CPT1C: variants seen among roughly 807,000 people sequenced by gnomAD.
CPT1C encodes palmitoyl thioesterase CPT1C.
CPT1C carries 61 observed loss-of-function variants against 97.3 expected under a neutral mutation model. That is an observed-to-expected ratio of 0.63 (90% CI 0.51 to 0.78). The LOEUF (loss-of-function observed/expected upper bound fraction) is 0.78. Among genes scored for constraint, CPT1C ranks in the 30% least tolerant of loss-of-function variants. CPT1C has a pLI of 0.00. For synonymous variants in CPT1C, 469 were observed against 447.2 expected, an observed-to-expected ratio of 1.05 and a Z score of -0.61; for missense variants, 975 against 1,065.5, an observed-to-expected ratio of 0.92 and a Z score of 1.18.
At chr19:49,694,485 C>T (rs557963844) in intron 3 of CPT1C, among the ~76,000 whole-genome samples, 1 of 151,708 alleles carries the variant, frequency 6.6e-6, no homozygotes, top group African/African-American at 2.4e-5. Context: ...AAAAATTAGC[C>T]GGGTGTGGTG....
rs766468069 is a variant in CPT1C at position 49,712,965 on chromosome 19, T to C, written c.2134-7T>C. 6 of 1,613,326 alleles carry C rather than the reference T, an allele frequency of 3.7e-6. No individual in the cohort carries two copies. The highest frequency in any genetic ancestry group is 2.2e-5 in the East Asian group (1 of 44,852). ...TATTTTCTTCCCTTCACTCTTTCCG[T>C]CTCCAGGCTGATGACCATGGTTATG... is the stretch of plus-strand genomic sequence containing the variant. On this transcript the variant is annotated splice_polypyrimidine_tract_variant and splice_region_variant and intron_variant, in intron 18 of 19. Coordinates refer to ENST00000598293, the MANE Select transcript of CPT1C (RefSeq NM_001199753.2).
intron 10 of CPT1C, 82 bp from the exon 11 acceptor site, chr19:49,705,827 C>G (rs1347984400): frequency 7.8e-7 from 1 of 1,288,002 alleles, no homozygotes; most frequent in African/African-American, 1.5e-5. Context: ...ACTGACGACA[C>G]CTAAGAAGTA....
intron 3 of CPT1C, among the ~76,000 whole-genome samples, chr19:49,693,878 G>A (rs1396209891): frequency 6.6e-6 from 1 of 152,078 alleles, no homozygotes; most frequent in Non-Finnish European, 1.5e-5. Flanking sequence ...CTAACACGGT[G>A]AAACCCCGTT....
rs1252263462 is a variant in CPT1C at position 49,701,227 on chromosome 19, C to T, written c.454-90C>T. The T allele has an allele frequency of 2.8e-6, 3 of 1,063,150 alleles. No individual in the cohort carries two copies. In the East Asian group the frequency reaches 7.6e-5, roughly 27 times the overall value. The allele number at this position is 1,063,150 out of a possible 1,614,324, so 65.9% of individuals were successfully genotyped here. On this transcript the variant is annotated intron_variant, in intron 5 of 19. Transcript: ENST00000598293. Reference sequence around the variant, plus strand: ...TGCTCTTAAGTCTCTGTGTCCTTCTCTTTGGGTTTCTGTCCCACTGTCGAC... The same window carrying T: ...TGCTCTTAAGTCTCTGTGTCCTTCTTTTTGGGTTTCTGTCCCACTGTCGAC...
chr19:49,701,071 C>T (rs2083009113), intron 5 of CPT1C, among the ~76,000 whole-genome samples: 1 of 93,862 alleles, frequency 1.1e-5, no homozygotes, highest in South Asian at 3.9e-4. Flanking sequence ...CTCCGTCCCC[C>T]CCTCTGGGTC....
chr19:49,710,794 G>T lies in CPT1C; in HGVS notation c.1803G>T (p.Thr601=). 1 of 1,614,056 alleles carries T rather than the reference G, an allele frequency of 6.2e-7. No individual in the cohort carries two copies. Among genetic ancestry groups the T allele is most frequent in the Non-Finnish European group, 8.5e-7 (1 of 1,179,956 alleles). Residue 601 remains threonine (T), a synonymous_variant, in exon 16 of 20, where the codon ACG becomes ACT. Coordinates refer to ENST00000598293, the MANE Select transcript of CPT1C (RefSeq NM_001199753.2). The part of the protein sequence containing the change: ...TRLFLEGRTE[T]VRSCTREACN... ...TATTCCTGGAAGGCCGGACGGAGAC[G>T]GTGCGGTCTTGCACGAGGGAGGCCT...
rs2083666440 is a variant in CPT1C, at chr19:49,708,830, T to C, written c.1557T>C (p.Leu519=). The part of the protein sequence containing the change: ...LPQPQRLQWD[L]PDQIHSSISL... ...AGCCCCAGCGGCTGCAATGGGACCT[T>C]CCAGACCAGGTGAGGCTGGGTTTCT... The change falls in exon 14 of 20, where the codon CTT becomes CTC. Residue 519 remains leucine, a synonymous_variant. Transcript: ENST00000598293. The C allele has an allele frequency of 1.7e-5, 27 of 1,610,866 alleles. No homozygotes were observed. Among genetic ancestry groups the C allele is most frequent in the Non-Finnish European group, 2.3e-5 (27 of 1,177,714 alleles).
At chr19:49,702,128 A>ATTATAAATAAATATATATTTATTTATAAT (rs1568521945) in intron 7 of CPT1C, among the ~76,000 whole-genome samples, 19 of 89,374 alleles carry the variant, frequency 2.1e-4, no homozygotes, top group Non-Finnish European at 3.8e-4. Flanking sequence ...TTATTTATAA[A>ATTATAAATAAATATATATTTATTTATAAT]TTATAAATAA....
chr19:49,702,204 T>TTA lies in CPT1C; in HGVS notation c.693+580_693+581dup, dbSNP rs1267591727. Among the ~76,000 whole-genome samples the TTA allele has an allele frequency of 2.4e-3, 331 of 137,500 alleles. 5 individuals carry two copies. The highest frequency in any genetic ancestry group is 8.5e-3 in the African/African-American group (311 of 36,622). 90.2% of individuals were successfully genotyped at this position (137,500 alleles called of 152,430 possible). On this transcript the variant is annotated intron_variant, in intron 7 of 19. Transcript: ENST00000598293. ...TTTATATATAGGCTTATATATTTAT[T>TTA]TATATATATATGCTCATAACATATA... is the stretch of plus-strand genomic sequence containing the variant.
intron 7 of CPT1C, among the ~76,000 whole-genome samples, chr19:49,702,121 T>TAAATTATAAATATATATTTA: frequency 9.5e-6 from 1 of 105,532 alleles, no homozygotes; most frequent in South Asian, 2.3e-4. Context: ...TATTTATTTA[T>TAAATTATAAATATATATTTA]TTATAAATTA....
intron 9 of CPT1C, 49 bp downstream of exon 9, chr19:49,705,163 T>A (rs2083430719): frequency 1.2e-6 from 2 of 1,612,352 alleles, no homozygotes; most frequent in Non-Finnish European, 1.7e-6. Flanking sequence ...CCTGTGGCCT[T>A]TGGGCCACGT....
chr19:49,702,778 T>G (rs1246452661), intron 7 of CPT1C, among the ~76,000 whole-genome samples: 1 of 151,434 alleles, frequency 6.6e-6, no homozygotes, highest in Admixed American at 6.6e-5. Flanking sequence ...AGGGGCAGGG[T>G]CAGCTTTGGT....
rs2082368337 is a variant in CPT1C at position 49,691,857 on chromosome 19, G to A, written c.-47G>A. 2.2e-5 allele frequency: 4 copies of A among 180,244 alleles called. No homozygotes were observed. In the South Asian group the frequency reaches 5.3e-4, roughly 24 times the overall value. The allele number at this position is 180,244 out of a possible 1,614,324, so 11.2% of individuals were successfully genotyped here. ...TGACGTCCTTCCCTCAAAACCTCCG[G>A]GTCTACAAACCAGGACCCTCAAGAC... On this transcript the variant is annotated 5_prime_UTR_variant, in exon 2 of 20. Coordinates refer to ENST00000598293, the MANE Select transcript of CPT1C (RefSeq NM_001199753.2).
In CPT1C at chr19:49,710,424, A is replaced by AC; in HGVS notation, c.1672dup (p.Arg558ProfsTer30). On this transcript the variant is annotated frameshift_variant, in exon 15 of 20. Coordinates refer to ENST00000598293, the MANE Select transcript of CPT1C (RefSeq NM_001199753.2). LOFTEE classifies it high-confidence loss of function. ...CCCTATTTGGCAAGAGCTTCATCCG[A>AC]CGCTGCCACCTCTCTTCAGACAGCT... The AC allele has an allele frequency of 1.9e-6, 3 of 1,614,030 alleles. No homozygotes were observed. Among genetic ancestry groups the AC allele is most frequent in the Non-Finnish European group, 2.5e-6 (3 of 1,179,998 alleles).
Position 49,706,203 on chromosome 19 carries a change from G to T in CPT1C, c.1161-28G>T. 6.5e-7 allele frequency: 1 copy of T among 1,539,996 alleles called. No individual in the cohort carries two copies. On this transcript the variant is annotated intron_variant, in intron 11 of 19. Transcript: ENST00000598293. The surrounding 1 kb of genome is among the most constrained non-coding windows in gnomAD (Gnocchi z 4.8). ...GGGCCAGGTGGCGGCTGGGCAGGAT[G>T]GACTCAGGCACATCCCGGGCCCTCC...
In CPT1C at chr19:49,712,722, G is replaced by C; in HGVS notation, c.2020-14G>C. The C allele has an allele frequency of 6.3e-7, 1 of 1,592,370 alleles. No homozygotes were observed. Among genetic ancestry groups the C allele is most frequent in the Non-Finnish European group, 8.6e-7 (1 of 1,160,266 alleles). On this transcript the variant is annotated splice_polypyrimidine_tract_variant and intron_variant, in intron 17 of 19. Transcript: ENST00000598293. ...GATCTCTGTCCTGCACATGTGATGG[G>C]CTCCTGTCCTCAGGTCCATTCGGAG... is the stretch of plus-strand genomic sequence containing the variant.
chr19:49,712,104 A>C (rs1200661762), intron 17 of CPT1C, 143 bp downstream of exon 17: 1 of 1,026,042 alleles, frequency 9.7e-7, no homozygotes, highest in African/African-American at 1.6e-5. Context: ...GCAGTTTGGG[A>C]AGCCGAGGCA....
chr19:49,710,194 G>A lies in CPT1C; in HGVS notation c.1567-126G>A, dbSNP rs569641269. The stretch of plus-strand genomic sequence containing the variant: ...ATCCTTCAATTCTCTTCTCTTCTTT[G>A]TCCCCATTTCCATATTCTGCCGCAA... On this transcript the variant is annotated intron_variant, in intron 14 of 19. Coordinates refer to ENST00000598293, the MANE Select transcript of CPT1C (RefSeq NM_001199753.2). 13 of 894,500 alleles carry A rather than the reference G, an allele frequency of 1.5e-5. No homozygotes were observed. In the Admixed American group the frequency reaches 2.4e-4, roughly 17 times the overall value. 55.4% of individuals were successfully genotyped at this position (894,500 alleles called of 1,614,324 possible). A position where few individuals can be genotyped will look rare whatever the true frequency, so the allele number is the denominator to read the frequency against.
intron 5 of CPT1C, 81 bp from the exon 6 acceptor site, chr19:49,701,236 T>G: frequency 1.7e-6 from 2 of 1,182,084 alleles, no homozygotes; most frequent in Non-Finnish European, 1.2e-6. Flanking sequence ...TCTTTGGGTT[T>G]CTGTCCCACT....
Sources: gnomAD v4.1 joint callset for allele counts (sites outside exome capture counted in the v4.1 genomes callset) on GRCh38, gnomAD v4.1.1 for gene constraint, Gnocchi (gnomAD v3.1) non-coding constraint, MANE v1.5 for transcripts, NCBI Gene and HGNC (gene_info 2026-07-23, HGNC 2026-07-21) for gene names.